The following KANK2 variants were observed in gnomAD, a reference collection of about 807,000 sequenced individuals.
The protein encoded by KANK2 is KN motif and ankyrin repeat domain-containing protein 2.
A neutral mutation model predicts 74.6 loss-of-function variants in KANK2; 41 were observed. The ratio of observed to expected loss-of-function variants is 0.55; its 90% CI spans 0.43 to 0.71. KANK2 has a LOEUF of 0.71. KANK2 is among the 30% of genes least tolerant of loss of function. KANK2 has a pLI of 0.00. For missense variants in KANK2, 1,148 were observed against 1,196.4 expected (o/e 0.96, Z 0.60); for synonymous variants, 537 against 519.0 (o/e 1.03, Z -0.47).
At chr19:11,182,537 AC>A (rs767536255) in intron 4 of KANK2, among the ~76,000 whole-genome samples, 3,468 of 143,014 alleles carry the variant, frequency 0.024, 62 homozygotes, top group Non-Finnish European at 0.038. Flanking sequence ...AAAAAAAAAA[AC>A]AAAAAAACAA....
Position 11,176,642 on chromosome 19 carries a change from G to C in KANK2, c.1696C>G (p.Arg566Gly), listed in dbSNP as rs762081613. 33 of 1,613,276 alleles carry C rather than the reference G, an allele frequency of 2.0e-5. No homozygotes were observed. The highest frequency in any genetic ancestry group is 3.3e-5 in the South Asian group (3 of 90,906). Residue 566 changes from arginine (R) to glycine (G), a missense_variant, in exon 7 of 13, where the codon CGA becomes GGA. Coordinates refer to ENST00000586659, the MANE Select transcript of KANK2 (RefSeq NM_001136191.3). ...GCAGTGGGTATGTGCTGAGATTCTC[G>C]AGACAGCTGACACTCCTGCCGGCTG... ...KTSRQECQLS[R>G]ESQHIPTAEG...
intron 4 of KANK2, among the ~76,000 whole-genome samples, chr19:11,188,358 GCCA>G (rs2078737045): frequency 6.6e-6 from 1 of 151,810 alleles, no homozygotes; most frequent in Admixed American, 6.6e-5. Context: ...ACAGGTGTGT[GCCA>G]CCACACCTGG....
chr19:11,170,159 C>T lies in KANK2; in HGVS notation c.2301G>A (p.Val767=). The T allele has an allele frequency of 6.2e-7, 1 of 1,612,344 alleles. No individual in the cohort carries two copies. The highest frequency in any genetic ancestry group is 8.5e-7 in the Non-Finnish European group (1 of 1,180,030). ...ALLACEADVN[V]QDDDGSTALM... is the part of the protein sequence containing the mutation. ...GGGCCGTGGAGCCGTCATCATCTTG[C>T]ACGTTGACATCTGCCTCACAGGCCA... is the stretch of plus-strand genomic sequence containing the variant. Residue 767 remains valine (V), a synonymous_variant, in exon 11 of 13, where the codon GTG becomes GTA. Coordinates refer to ENST00000586659, the MANE Select transcript of KANK2 (RefSeq NM_001136191.3). The surrounding 1 kb of genome is among the most constrained non-coding windows in gnomAD (Gnocchi z 5.2).
At position 11,193,852 on chromosome 19, in the gene KANK2, G is replaced by T. The variant is rs1316414564; in HGVS notation, c.228C>A (p.Gly76=). Residue 76 remains glycine (G), a synonymous_variant, in exon 4 of 13, where the codon GGC becomes GGA. Coordinates refer to ENST00000586659, the MANE Select transcript of KANK2 (RefSeq NM_001136191.3). The surrounding 1 kb of genome is among the most constrained non-coding windows in gnomAD (Gnocchi z 9.6). ...CAGTGGACGTCCACCAGGAGCCAGG[G>T]CCACGGGGCAGCGAGCTCAGGCGGG... The part of the protein sequence containing the change: ...RRPRLSSLPR[G]PGSWWTSTES... 1.9e-6 allele frequency: 3 copies of T among 1,612,810 alleles called. No individual in the cohort carries two copies. Among genetic ancestry groups the T allele is most frequent in the Admixed American group, 3.3e-5 (2 of 60,000 alleles).
chr19:11,170,138 C>A lies in KANK2; in HGVS notation c.2322G>T (p.Thr774=). Residue 774 remains threonine, a synonymous_variant, in exon 11 of 13, where the codon ACG becomes ACT. Transcript: ENST00000586659. The surrounding 1 kb of genome is among the most constrained non-coding windows in gnomAD (Gnocchi z 5.2). ...CGTGCTCACAGGCGCACATGAGGGC[C>A]GTGGAGCCGTCATCATCTTGCACGT... ...DVNVQDDDGS[T]ALMCACEHGH... 2 of 1,612,776 alleles carry A rather than the reference C, an allele frequency of 1.2e-6. No individual in the cohort carries two copies. Among genetic ancestry groups the A allele is most frequent in the Non-Finnish European group, 1.7e-6 (2 of 1,180,022 alleles).
At position 11,194,575 on chromosome 19, in the gene KANK2, AC is replaced by A; in HGVS notation, c.-65del. 7.5e-7 allele frequency: 1 copy of A among 1,333,424 alleles called. No individual in the cohort carries two copies. The highest frequency in any genetic ancestry group is 1.1e-6 in the Non-Finnish European group (1 of 926,764). The allele number at this position is 1,333,424 out of a possible 1,614,324, so 82.6% of individuals were successfully genotyped here. A position where few individuals can be genotyped will look rare whatever the true frequency, so the allele number is the denominator to read the frequency against. On this transcript the variant is annotated 5_prime_UTR_variant, in exon 3 of 13. Coordinates refer to ENST00000586659, the MANE Select transcript of KANK2 (RefSeq NM_001136191.3). ...GACTGCGAGTCAGACTGCCTGCAGC[AC>A]CGGCTGAGGCTTACCTGGGGAAAGA...
intron 4 of KANK2, among the ~76,000 whole-genome samples, chr19:11,181,985 T>C (rs1183725927): frequency 6.6e-6 from 1 of 150,934 alleles, no homozygotes; most frequent in African/African-American, 2.4e-5. Context: ...TGATGCGATC[T>C]TGGCTCACTG....
intron 4 of KANK2, among the ~76,000 whole-genome samples, chr19:11,185,948 T>C (rs66536924): frequency 0.28 from 42,913 of 152,068 alleles, 6,356 homozygotes; most frequent in South Asian, 0.44. Flanking sequence ...GAGGGATCAC[T>C]TGAGCCCGAG....
Position 11,184,905 on chromosome 19 carries a change from C to T in KANK2, c.1250-6185G>A, listed in dbSNP as rs556023524. Reference sequence around the variant, plus strand: ...CAGCTCACTAGCAACCTCTGCCTCGCGAGGTCAAGTGATTCTCCTGCCTCA... The same window carrying T: ...CAGCTCACTAGCAACCTCTGCCTCGTGAGGTCAAGTGATTCTCCTGCCTCA... On this transcript the variant is annotated intron_variant, in intron 4 of 12. Coordinates refer to ENST00000586659, the MANE Select transcript of KANK2 (RefSeq NM_001136191.3). Among the ~76,000 whole-genome samples the T allele has an allele frequency of 2.1e-3, 303 of 147,798 alleles. 19 individuals carry two copies. Among genetic ancestry groups the T allele is most frequent in the African/African-American group, 7.3e-3 (293 of 40,050 alleles).
Position 11,170,331 on chromosome 19 carries a change from C to A in KANK2, c.2212-83G>T. On this transcript the variant is annotated intron_variant, in intron 10 of 12. Transcript: ENST00000586659. This position sits in a 1 kb window ranked among gnomAD's most constrained non-coding sequence, Gnocchi z 5.2. ...CTGGTCTAGAACCTGCTGTAGCTCCCACATACTCTGATGGTGAAATGTACC... is the reference window on the plus strand; with the variant it reads ...CTGGTCTAGAACCTGCTGTAGCTCCAACATACTCTGATGGTGAAATGTACC... The A allele has an allele frequency of 9.2e-7, 1 of 1,086,668 alleles. No homozygotes were observed. The highest frequency in any genetic ancestry group is 2.4e-5 in the East Asian group (1 of 41,054). The allele number at this position is 1,086,668 out of a possible 1,614,324, so 67.3% of individuals were successfully genotyped here. A position where few individuals can be genotyped will look rare whatever the true frequency, so the allele number is the denominator to read the frequency against.
At chr19:11,181,088 C>CA (rs752985367) in intron 4 of KANK2, among the ~76,000 whole-genome samples, 2,184 of 23,976 alleles carry the variant, frequency 0.091, 289 homozygotes, top group Non-Finnish European at 0.12. Context: ...CTCTTGTCTC[C>CA]AAAAAAAAAA....
rs1385963225 is a variant in KANK2 at position 11,188,829 on chromosome 19, A to G, written c.1249+4002T>C. Reference sequence around the variant, plus strand: ...AAACCCCGTCTCTACTAAAAGTACAAGAAAATTAGCTGGGTGTGGTGGTGG... The same window carrying G: ...AAACCCCGTCTCTACTAAAAGTACAGGAAAATTAGCTGGGTGTGGTGGTGG... On this transcript the variant is annotated intron_variant, in intron 4 of 12. Transcript: ENST00000586659. 2.6e-5 allele frequency among the ~76,000 whole-genome samples: 4 copies of G among 151,864 alleles called. No homozygotes were observed. In the East Asian group the frequency reaches 7.8e-4, roughly 30 times the overall value.
chr19:11,178,128 C>G (rs2078397290), intron 6 of KANK2, among the ~76,000 whole-genome samples: 1 of 152,158 alleles, frequency 6.6e-6, no homozygotes, highest in African/African-American at 2.4e-5. Flanking sequence ...GCTCTTGAGC[C>G]AGGGCACGCA....
intron 4 of KANK2, among the ~76,000 whole-genome samples, chr19:11,186,665 C>A (rs1299790234): frequency 1.3e-5 from 2 of 152,092 alleles, no homozygotes; most frequent in Admixed American, 6.6e-5. Context: ...CACCACTGCA[C>A]TCCAGCCTGG....
At chr19:11,191,016 C>T in intron 4 of KANK2, among the ~76,000 whole-genome samples, 1 of 150,044 alleles carries the variant, frequency 6.7e-6, no homozygotes, top group Middle Eastern at 3.3e-3. Context: ...CAGGCGTGAG[C>T]CACCGTGCCC....
chr19:11,174,048 C>T (rs2078257942), intron 9 of KANK2, among the ~76,000 whole-genome samples: 1 of 150,990 alleles, frequency 6.6e-6, no homozygotes, highest in Admixed American at 6.6e-5. Context: ...GGGAAAGTCA[C>T]ATTTCCCCCA....
Position 11,192,868 on chromosome 19 carries a change from C to G in KANK2, c.1212G>C (p.Lys404Asn). ...AATSNVHMVK[K>N]ISITERSCDG... ...CGCAGCTTCGCTCTGTGATGCTAATCTTCTTCACCATATGGACGTTGCTGG... is the reference window on the plus strand; with the variant it reads ...CGCAGCTTCGCTCTGTGATGCTAATGTTCTTCACCATATGGACGTTGCTGG... Residue 404 changes from lysine to asparagine, a missense_variant, in exon 4 of 13, where the codon AAG (lysine) becomes AAC (asparagine). Physicochemically the swap from Lys to Asn is moderately conservative, Grantham distance 94. Coordinates refer to ENST00000586659, the MANE Select transcript of KANK2 (RefSeq NM_001136191.3). 2 of 1,603,784 alleles carry G rather than the reference C, an allele frequency of 1.2e-6. No homozygotes were observed. The highest frequency in any genetic ancestry group is 1.7e-6 in the Non-Finnish European group (2 of 1,175,084).
intron 4 of KANK2, among the ~76,000 whole-genome samples, chr19:11,186,534 C>A (rs1336000388): frequency 1.3e-5 from 2 of 151,782 alleles, no homozygotes; most frequent in Non-Finnish European, 2.9e-5. Flanking sequence ...CCCGTCTCTG[C>A]TAAAACTACA....
chr19:11,195,839 A>C lies in KANK2; in HGVS notation c.-278-19T>G, dbSNP rs1246985277. ...TCAACACCTGGAACACATGGTCACC[A>C]ATTGCAGGAAATTCCGTTTTCCATT... On this transcript the variant is annotated intron_variant, in intron 1 of 12. Coordinates refer to ENST00000586659, the MANE Select transcript of KANK2 (RefSeq NM_001136191.3). 6.6e-6 allele frequency: 1 copy of C among 151,954 alleles called. No homozygotes were observed. Among genetic ancestry groups the C allele is most frequent in the African/African-American group, 2.4e-5 (1 of 41,314 alleles). 9.4% of individuals were successfully genotyped at this position (151,954 alleles called of 1,614,324 possible).
Sources: allele counts gnomAD v4.1 joint callset (sites outside exome capture counted in the v4.1 genomes callset), GRCh38; gene constraint gnomAD v4.1.1; non-coding constraint Gnocchi (gnomAD v3.1); transcripts MANE v1.5; gene names NCBI Gene and HGNC (gene_info 2026-07-23, HGNC 2026-07-21).